The following KDM4C variants were observed in gnomAD, a reference collection of about 807,000 sequenced individuals.
KDM4C encodes the protein lysine demethylase 4C, also known as lysine-specific demethylase 4C.
KDM4C carries 81 observed loss-of-function variants against 129.3 expected under a neutral mutation model. The ratio of observed to expected loss-of-function variants is 0.63; its 90% CI spans 0.52 to 0.75. KDM4C has a LOEUF of 0.75. Ranked by LOEUF, KDM4C falls within the 30% of genes least tolerant of loss-of-function variation. The pLI is 0.00. For synonymous variants in KDM4C, 573 were observed against 456.1 expected, an observed-to-expected ratio of 1.26 and a Z score of -3.26; for missense variants, 1,457 against 1,304.0, an observed-to-expected ratio of 1.12 and a Z score of -1.81.
At chr9:6,761,090 A>G (rs1392248011) in intron 1 of KDM4C, among the ~76,000 whole-genome samples, 1 of 146,550 alleles carries the variant, frequency 6.8e-6, no homozygotes, top group Admixed American at 6.8e-5. Context: ...GCTCACTGCA[A>G]CCTCTATCTC....
chr9:6,910,036 A>T (rs979266875), intron 8 of KDM4C, among the ~76,000 whole-genome samples: 3 of 152,222 alleles, frequency 2.0e-5, no homozygotes, highest in African/African-American at 7.2e-5. Context: ...CAAGTTCGTG[A>T]GAAGGAAAAT....
intron 1 of KDM4C, among the ~76,000 whole-genome samples, chr9:6,729,430 A>G (rs1364327389): frequency 7.8e-6 from 1 of 128,276 alleles, no homozygotes; most frequent in Non-Finnish European, 1.6e-5. Context: ...TGTCCCAGTT[A>G]CTTAGGAGGC....
At chr9:6,858,402 A>C (rs1840286198) in intron 5 of KDM4C, among the ~76,000 whole-genome samples, 1 of 152,192 alleles carries the variant, frequency 6.6e-6, no homozygotes, top group Non-Finnish European at 1.5e-5. Flanking sequence ...AAATGAAAAG[A>C]AATTGTTAAA....
intron 12 of KDM4C, among the ~76,000 whole-genome samples, chr9:7,011,275 A>T (rs1822640932): frequency 6.6e-6 from 1 of 152,214 alleles, no homozygotes; most frequent in South Asian, 2.1e-4. Flanking sequence ...ACTATGTTAG[A>T]TGAAGAAAGT....
intron 19 of KDM4C, among the ~76,000 whole-genome samples, chr9:7,159,842 G>A (rs1409203157): frequency 1.3e-5 from 2 of 152,072 alleles, no homozygotes; most frequent in Admixed American, 1.3e-4. Context: ...TATCTTTGTG[G>A]TGTTCTCTGT....
intron 4 of KDM4C, among the ~76,000 whole-genome samples, chr9:6,829,090 A>G (rs1265719203): frequency 1.3e-5 from 2 of 152,234 alleles, no homozygotes; most frequent in East Asian, 1.9e-4. Flanking sequence ...GGCCAGTGCA[A>G]GGAGCTTACT....
intron 15 of KDM4C, among the ~76,000 whole-genome samples, chr9:7,039,305 T>A (rs4742286): frequency 0.052 from 7,842 of 152,076 alleles, 224 homozygotes; most frequent in South Asian, 0.096. Context: ...TTTATTCAGC[T>A]CTGTCTTTCT....
chr9:7,117,753 A>C (rs766895811), intron 18 of KDM4C, among the ~76,000 whole-genome samples: 16 of 152,072 alleles, frequency 1.1e-4, no homozygotes, highest in Non-Finnish European at 1.8e-4. Flanking sequence ...GAACTCCTGA[A>C]ATAAAAAAGC....
intron 8 of KDM4C, among the ~76,000 whole-genome samples, chr9:6,966,663 A>G (rs1831030395): frequency 6.6e-6 from 1 of 152,214 alleles, no homozygotes; most frequent in African/African-American, 2.4e-5. Context: ...GTTAATCCAC[A>G]TCAGATCCAT....
In KDM4C at chr9:6,758,862, G is replaced by A. The variant is rs1263921036; in HGVS notation, c.-18+659G>A. Reference sequence around the variant, plus strand: ...ACTGCCAGGCACAGAACGTGGCGTGGAGTGGGGACGTGGAGGAGGGAGCCA... The same window carrying A: ...ACTGCCAGGCACAGAACGTGGCGTGAAGTGGGGACGTGGAGGAGGGAGCCA... On this transcript the variant is annotated intron_variant, in intron 1 of 21. Transcript: ENST00000381309. This position sits in a 1 kb window ranked among gnomAD's most constrained non-coding sequence, Gnocchi z 4.6. Among the ~76,000 whole-genome samples the A allele has an allele frequency of 6.6e-6, 1 of 152,234 alleles. No homozygotes were observed. Among genetic ancestry groups the A allele is most frequent in the Non-Finnish European group, 1.5e-5 (1 of 68,036 alleles).
chr9:6,772,473 T>G (rs1822066869), intron 1 of KDM4C, among the ~76,000 whole-genome samples: 1 of 152,124 alleles, frequency 6.6e-6, no homozygotes, highest in African/African-American at 2.4e-5. Context: ...GCGATTCTCC[T>G]GCCTCATCCT....
intron 15 of KDM4C, among the ~76,000 whole-genome samples, chr9:7,035,857 T>C (rs531073251): frequency 1.3e-5 from 2 of 152,352 alleles, no homozygotes; most frequent in South Asian, 4.1e-4. Context: ...TCTGTTTTTA[T>C]GCCAGTTCCA....
At chr9:7,017,530 T>C (rs1440054158) in intron 15 of KDM4C, among the ~76,000 whole-genome samples, 1 of 152,206 alleles carries the variant, frequency 6.6e-6, no homozygotes, top group Non-Finnish European at 1.5e-5. Context: ...CTTCAAATCT[T>C]TGTTTTCCAT....
At chr9:6,984,049 A>G in intron 9 of KDM4C, 117 bp from the exon 10 acceptor site, 3 of 663,972 alleles carry the variant, frequency 4.5e-6, no homozygotes, top group South Asian at 3.8e-5. Context: ...TGGCATAGTG[A>G]TTAACAATGT....
chr9:6,814,746 G>T lies in KDM4C; in HGVS notation c.435+1G>T. 6.6e-7 allele frequency: 1 copy of T among 1,523,430 alleles called. No individual in the cohort carries two copies. The highest frequency in any genetic ancestry group is 9.1e-7 in the Non-Finnish European group (1 of 1,102,870). 94.4% of individuals were successfully genotyped at this position (1,523,430 alleles called of 1,614,324 possible). A position where few individuals can be genotyped will look rare whatever the true frequency, so the allele number is the denominator to read the frequency against. Reference sequence around the variant, plus strand: ...TATTAATGGGAGCATATATGATGAGGTACATTCATATTTACAGTGAGTTTT... The same window carrying T: ...TATTAATGGGAGCATATATGATGAGTTACATTCATATTTACAGTGAGTTTT... On this transcript the variant is annotated splice_donor_variant, in intron 4 of 21. Coordinates refer to ENST00000381309, the MANE Select transcript of KDM4C (RefSeq NM_015061.6). LOFTEE classifies it high-confidence loss of function.
chr9:7,167,138 G>C (rs1370218759), intron 20 of KDM4C, among the ~76,000 whole-genome samples: 1 of 152,196 alleles, frequency 6.6e-6, no homozygotes, highest in Non-Finnish European at 1.5e-5. Context: ...AAGAAAGGCT[G>C]TGAACAAAAT....
At chr9:6,873,941 CGAGAGAGAGAGAGAGAGA>C (rs61477112) in intron 5 of KDM4C, among the ~76,000 whole-genome samples, 31 of 132,162 alleles carry the variant, frequency 2.3e-4, no homozygotes, top group African/African-American at 8.9e-4. Flanking sequence ...TGAGAGAGAG[CGAGAGAGAGAGAGAGAGA>C]GAGAGAGAGA....
chr9:6,762,660 GT>G (rs1481527056), intron 1 of KDM4C, among the ~76,000 whole-genome samples: 4 of 146,710 alleles, frequency 2.7e-5, no homozygotes, highest in Non-Finnish European at 6.0e-5. Context: ...TTAGGTCATT[GT>G]CTTTTTTTTT....
chr9:6,724,363 C>T (rs1038519037), intron 1 of KDM4C, among the ~76,000 whole-genome samples: 2 of 152,090 alleles, frequency 1.3e-5, no homozygotes, highest in African/African-American at 4.8e-5. Flanking sequence ...CACTTAGACA[C>T]TAACAAAGAA....
Sources: allele counts gnomAD v4.1 joint callset (sites outside exome capture counted in the v4.1 genomes callset), GRCh38; gene constraint gnomAD v4.1.1; non-coding constraint Gnocchi (gnomAD v3.1); transcripts MANE v1.5; gene names NCBI Gene and HGNC (gene_info 2026-07-23, HGNC 2026-07-21).